The following TBC1D4 variants were observed in gnomAD, a reference collection of about 807,000 sequenced individuals.
TBC1D4 encodes the protein TBC1 domain family member 4.
In TBC1D4, 121 loss-of-function variants were observed where a neutral mutation model predicts 142.5. The observed-to-expected ratio is 0.85, with a 90% CI of 0.73 to 0.99. The LOEUF (loss-of-function observed/expected upper bound fraction) is 0.99. TBC1D4 is among the 50% of genes least tolerant of loss of function. The probability of loss-of-function intolerance (pLI) is 0.00; values close to 1 mark genes in which losing one functional copy is unlikely to be tolerated. For missense variants in TBC1D4, 1,475 were observed against 1,606.6 expected, an observed-to-expected ratio of 0.92 and a Z score of 1.40; for synonymous variants, 630 against 628.2, an observed-to-expected ratio of 1.00 and a Z score of -0.04.
chr13:75,424,284 A>AG (rs1175284070), intron 1 of TBC1D4, among the ~76,000 whole-genome samples: 7 of 90,070 alleles, frequency 7.8e-5, no homozygotes, highest in East Asian at 3.0e-4. Context: ...AAAAAAAAAA[A>AG]AAAGAAAGAA....
At chr13:75,330,322 C>T (rs757711389) in intron 8 of TBC1D4, among the ~76,000 whole-genome samples, 6 of 152,024 alleles carry the variant, frequency 3.9e-5, no homozygotes, top group African/African-American at 4.8e-5. Context: ...TATCTTGTTT[C>T]GTAAAGCAAT....
chr13:75,430,227 T>C (rs530866393), intron 1 of TBC1D4, among the ~76,000 whole-genome samples: 1 of 152,360 alleles, frequency 6.6e-6, no homozygotes, highest in South Asian at 2.1e-4. Flanking sequence ...TCTATAATCT[T>C]GATAGATGAC....
intron 1 of TBC1D4, among the ~76,000 whole-genome samples, chr13:75,471,980 G>A (rs1397993501): frequency 3.3e-5 from 5 of 151,900 alleles, no homozygotes; most frequent in African/African-American, 4.8e-5. Context: ...GGTGGCGGGC[G>A]CCTGTAGTCC....
intron 1 of TBC1D4, among the ~76,000 whole-genome samples, chr13:75,363,619 C>T (rs571972362): frequency 5.6e-4 from 86 of 152,338 alleles, no homozygotes; most frequent in African/African-American, 1.9e-3. Context: ...CATATATTGA[C>T]TGATGTCTCA....
intron 1 of TBC1D4, among the ~76,000 whole-genome samples, chr13:75,384,299 G>A (rs186617403): frequency 6.6e-6 from 1 of 152,086 alleles, no homozygotes; most frequent in East Asian, 1.9e-4. Context: ...AGCTGGGCAT[G>A]CTGGTGGGTG....
intron 1 of TBC1D4, among the ~76,000 whole-genome samples, chr13:75,455,155 A>G (rs188989484): frequency 8.5e-4 from 129 of 152,252 alleles, no homozygotes; most frequent in South Asian, 4.1e-3. Flanking sequence ...GAGAACCTTC[A>G]TCCACCATCC....
intron 1 of TBC1D4, among the ~76,000 whole-genome samples, chr13:75,466,356 C>T (rs1190425659): frequency 6.6e-6 from 1 of 152,128 alleles, no homozygotes; most frequent in South Asian, 2.1e-4. Flanking sequence ...TCCATCCGCA[C>T]TAGAAAAATG....
At chr13:75,397,610 T>A (rs1566459035) in intron 1 of TBC1D4, among the ~76,000 whole-genome samples, 1 of 152,162 alleles carries the variant, frequency 6.6e-6, no homozygotes, top group Non-Finnish European at 1.5e-5. Context: ...TGTTTTTGTG[T>A]TTGTTTTGAT....
chr13:75,427,997 G>A (rs969132965), intron 1 of TBC1D4, among the ~76,000 whole-genome samples: 1 of 152,086 alleles, frequency 6.6e-6, no homozygotes, highest in Non-Finnish European at 1.5e-5. Flanking sequence ...GACTATAATG[G>A]GAAGAAAAAT....
chr13:75,424,809 C>T (rs1256346456), intron 1 of TBC1D4, among the ~76,000 whole-genome samples: 2 of 152,146 alleles, frequency 1.3e-5, no homozygotes, highest in Non-Finnish European at 2.9e-5. Flanking sequence ...TGGATATCCA[C>T]ATGCAGAAGA....
At chr13:75,339,587 CTT>C in intron 7 of TBC1D4, among the ~76,000 whole-genome samples, 1 of 147,894 alleles carries the variant, frequency 6.8e-6, no homozygotes, top group African/African-American at 2.5e-5. Context: ...GCTCAATGTT[CTT>C]TTTTTTTTTT....
At chr13:75,411,701 T>TA (rs201174460) in intron 1 of TBC1D4, among the ~76,000 whole-genome samples, 82 of 150,398 alleles carry the variant, frequency 5.5e-4, no homozygotes, top group East Asian at 2.3e-3. Flanking sequence ...TTTTTTATTT[T>TA]TTTTTTTTTT....
chr13:75,340,957 A>G (rs1199976036), intron 7 of TBC1D4, among the ~76,000 whole-genome samples, 168 bp downstream of exon 7: 1 of 150,440 alleles, frequency 6.6e-6, no homozygotes, highest in African/African-American at 2.5e-5. Flanking sequence ...AAAAACAAAA[A>G]ACAAAAAAAC....
intron 1 of TBC1D4, among the ~76,000 whole-genome samples, chr13:75,465,918 T>C (rs1008965843): frequency 1.3e-5 from 2 of 152,084 alleles, no homozygotes; most frequent in African/African-American, 4.8e-5. Context: ...AAGCAGAAAA[T>C]CTTTTAATCT....
At chr13:75,287,197 T>C (rs927257763) in intron 20 of TBC1D4, among the ~76,000 whole-genome samples, 172 bp from the exon 21 acceptor site, 3 of 152,214 alleles carry the variant, frequency 2.0e-5, no homozygotes, top group Non-Finnish European at 2.9e-5. Flanking sequence ...GATGTAACTA[T>C]GGAACTACCA....
intron 1 of TBC1D4, among the ~76,000 whole-genome samples, chr13:75,468,132 G>C (rs1303915919): frequency 1.3e-5 from 2 of 152,136 alleles, no homozygotes; most frequent in African/African-American, 2.4e-5. Flanking sequence ...ACAGGGTAAT[G>C]AACAAAGGAA....
At chr13:75,314,825 A>AT (rs1016096179) in intron 12 of TBC1D4, among the ~76,000 whole-genome samples, 3 of 151,556 alleles carry the variant, frequency 2.0e-5, no homozygotes. Flanking sequence ...AAAAAAAAAA[A>AT]AAAATTAGCT....
chr13:75,356,376 AG>A, intron 3 of TBC1D4, 125 bp from the exon 4 acceptor site: 3 of 741,990 alleles, frequency 4.0e-6, no homozygotes, highest in African/African-American at 1.7e-5. Flanking sequence ...ACAGCAATGA[AG>A]GGGGGACATA....
chr13:75,338,053 T>G (rs1880371914), intron 7 of TBC1D4, among the ~76,000 whole-genome samples: 1 of 151,958 alleles, frequency 6.6e-6, no homozygotes, highest in Admixed American at 6.6e-5. Context: ...CAATCCAAAT[T>G]TATAAGCTGA....
Sources: gnomAD v4.1 joint callset for allele counts (sites outside exome capture counted in the v4.1 genomes callset) on GRCh38, gnomAD v4.1.1 for gene constraint, MANE v1.5 for transcripts, NCBI Gene and HGNC (gene_info 2026-07-23, HGNC 2026-07-21) for gene names.